The following DOK6 variants were observed in gnomAD, a reference collection of about 807,000 sequenced individuals.
DOK6 encodes the protein docking protein 6, also known as downstream of tyrosine kinase 6.
A neutral mutation model predicts 44.0 loss-of-function variants in DOK6; 22 were observed. The observed-to-expected ratio is 0.50, with a 90% CI of 0.36 to 0.71. DOK6 has a LOEUF of 0.71. Among genes scored for constraint, DOK6 ranks in the 30% least tolerant of loss-of-function variants. DOK6 has a pLI of 0.00. For missense variants in DOK6, 340 were observed against 416.4 expected, an observed-to-expected ratio of 0.82 and a Z score of 1.60; for synonymous variants, 166 against 145.5, an observed-to-expected ratio of 1.14 and a Z score of -1.01.
chr18:69,448,540 G>T (rs1979362215), intron 1 of DOK6, among the ~76,000 whole-genome samples: 1 of 151,666 alleles, frequency 6.6e-6, no homozygotes, highest in Admixed American at 6.6e-5. Flanking sequence ...CCCAGCTAAT[G>T]TTTTTGTATT....
At chr18:69,592,654 CTTCAA>C (rs949998104) in intron 2 of DOK6, among the ~76,000 whole-genome samples, 5 of 151,934 alleles carry the variant, frequency 3.3e-5, no homozygotes, top group African/African-American at 1.2e-4. Flanking sequence ...GTAATTTTTC[CTTCAA>C]TTCAATTCAG....
intron 1 of DOK6, among the ~76,000 whole-genome samples, chr18:69,513,397 C>CTG (rs1981429099): frequency 6.6e-6 from 1 of 152,156 alleles, no homozygotes; most frequent in Non-Finnish European, 1.5e-5. Flanking sequence ...CACGCACACT[C>CTG]TCTCTCAGAG....
intron 7 of DOK6, among the ~76,000 whole-genome samples, chr18:69,807,779 C>A (rs1043985868): frequency 6.6e-6 from 1 of 151,258 alleles, no homozygotes; most frequent in Admixed American, 6.6e-5. Flanking sequence ...AATTGGAGCA[C>A]CTAAATAAAT....
At chr18:69,490,750 T>C (rs1330840467) in intron 1 of DOK6, among the ~76,000 whole-genome samples, 1 of 152,242 alleles carries the variant, frequency 6.6e-6, no homozygotes, top group Admixed American at 6.5e-5. Context: ...TTTGTTTCTT[T>C]TAATTGAATA....
At chr18:69,732,743 T>C (rs1411753993) in intron 5 of DOK6, among the ~76,000 whole-genome samples, 1 of 152,170 alleles carries the variant, frequency 6.6e-6, no homozygotes, top group Non-Finnish European at 1.5e-5. Context: ...ACCTTAGATA[T>C]GGTTTATGTT....
At chr18:69,692,423 T>A (rs1432373443) in intron 4 of DOK6, among the ~76,000 whole-genome samples, 1 of 152,236 alleles carries the variant, frequency 6.6e-6, no homozygotes, top group Non-Finnish European at 1.5e-5. Context: ...TCCTACTAAA[T>A]CTGGGTCTTT....
chr18:69,713,371 C>A (rs1986811587), intron 5 of DOK6, among the ~76,000 whole-genome samples: 1 of 152,170 alleles, frequency 6.6e-6, no homozygotes, highest in Non-Finnish European at 1.5e-5. Context: ...CATTAAAGAA[C>A]TAATACTGTG....
At chr18:69,650,210 G>A (rs377139687) in intron 3 of DOK6, among the ~76,000 whole-genome samples, 2 of 152,202 alleles carry the variant, frequency 1.3e-5, no homozygotes, top group South Asian at 2.1e-4. Flanking sequence ...AAAAAAACGT[G>A]GTTGGTTGAT....
At chr18:69,615,838 A>T (rs1404797432) in intron 3 of DOK6, among the ~76,000 whole-genome samples, 1 of 152,190 alleles carries the variant, frequency 6.6e-6, no homozygotes, top group Non-Finnish European at 1.5e-5. Flanking sequence ...TATCAGAGAA[A>T]TTGATGTGTT....
At chr18:69,489,716 G>A (rs150698832) in intron 1 of DOK6, among the ~76,000 whole-genome samples, 265 of 151,920 alleles carry the variant, frequency 1.7e-3, no homozygotes, top group African/African-American at 5.9e-3. Flanking sequence ...AATGCATATC[G>A]AAAGCCCTGT....
At chr18:69,543,534 C>G (rs768494841) in intron 1 of DOK6, among the ~76,000 whole-genome samples, 1 of 151,514 alleles carries the variant, frequency 6.6e-6, no homozygotes, top group Non-Finnish European at 1.5e-5. Context: ...TTGAAGAAAG[C>G]CAACCTGTTT....
intron 1 of DOK6, among the ~76,000 whole-genome samples, chr18:69,488,259 T>C (rs1239284272): frequency 6.6e-6 from 1 of 152,154 alleles, no homozygotes; most frequent in Admixed American, 6.5e-5. Context: ...TAATTGCTTC[T>C]TAAAGACCCA....
At chr18:69,429,620 C>CATATATATATATATATAT (rs143819043) in intron 1 of DOK6, among the ~76,000 whole-genome samples, 11 of 105,948 alleles carry the variant, frequency 1.0e-4, no homozygotes, top group Non-Finnish European at 1.4e-4. Flanking sequence ...TTGAGGGATA[C>CATATATATATATATATAT]ATATATATAT....
intron 1 of DOK6, among the ~76,000 whole-genome samples, chr18:69,541,777 C>G (rs992658744): frequency 2.2e-4 from 34 of 151,392 alleles, no homozygotes; most frequent in Admixed American, 5.9e-4. Flanking sequence ...GAGAATGGAA[C>G]CTGTAGGCAT....
intron 1 of DOK6, among the ~76,000 whole-genome samples, chr18:69,471,979 A>G (rs1411037049): frequency 6.6e-6 from 1 of 152,216 alleles, no homozygotes; most frequent in Non-Finnish European, 1.5e-5. Flanking sequence ...AATTATAAGT[A>G]GTAGCATTAC....
At chr18:69,803,059 TC>T (rs1273146120) in intron 7 of DOK6, among the ~76,000 whole-genome samples, 2 of 152,136 alleles carry the variant, frequency 1.3e-5, no homozygotes, top group African/African-American at 4.8e-5. Flanking sequence ...AGATTGAAAG[TC>T]CATTATTAAA....
At chr18:69,505,918 A>G (rs1981173626) in intron 1 of DOK6, among the ~76,000 whole-genome samples, 1 of 72,494 alleles carries the variant, frequency 1.4e-5, no homozygotes, top group African/African-American at 3.8e-5. Flanking sequence ...AAACTTCCTC[A>G]AAAAAAAAAT....
chr18:69,575,950 A>G, intron 2 of DOK6, among the ~76,000 whole-genome samples: 1 of 152,148 alleles, frequency 6.6e-6, no homozygotes, highest in Non-Finnish European at 1.5e-5. Context: ...GGCAAAAAAA[A>G]TCACAGAAGT....
chr18:69,704,392 A>T (rs1040311669), intron 5 of DOK6, among the ~76,000 whole-genome samples: 3 of 151,798 alleles, frequency 2.0e-5, no homozygotes, highest in Admixed American at 2.0e-4. Context: ...TCCAAAAAGC[A>T]ATCCAGCAAG....
Sources: gnomAD v4.1 joint callset for allele counts (sites outside exome capture counted in the v4.1 genomes callset) on GRCh38, gnomAD v4.1.1 for gene constraint, MANE v1.5 for transcripts, NCBI Gene and HGNC (gene_info 2026-07-23, HGNC 2026-07-21) for gene names.